COL15A1: variants seen among roughly 807,000 people sequenced by gnomAD.
COL15A1 encodes the protein collagen type XV alpha 1 chain.
In COL15A1, 111 loss-of-function variants were observed where a neutral mutation model predicts 165.9. The ratio of observed to expected loss-of-function variants is 0.67; its 90% CI spans 0.57 to 0.78. The LOEUF is 0.78. COL15A1 is among the 30% of genes least tolerant of loss of function. The pLI is 0.00. For synonymous variants in COL15A1, 659 were observed against 674.8 expected, an observed-to-expected ratio of 0.98 and a Z score of 0.36; for missense variants, 1,745 against 1,789.7, an observed-to-expected ratio of 0.98 and a Z score of 0.45.
intron 2 of COL15A1, among the ~76,000 whole-genome samples, chr9:98,957,584 C>T (rs1564009169): frequency 6.6e-6 from 1 of 152,158 alleles, no homozygotes; most frequent in East Asian, 1.9e-4. Flanking sequence ...CTTCCCACAC[C>T]CTAATCTCAA....
At chr9:99,027,964 A>T (rs1419828647) in intron 16 of COL15A1, among the ~76,000 whole-genome samples, 1 of 152,254 alleles carries the variant, frequency 6.6e-6, no homozygotes, top group African/African-American at 2.4e-5. Context: ...GGGCTGTAGT[A>T]GATCATAAGA....
At chr9:98,960,270 T>C (rs1837844465) in intron 2 of COL15A1, among the ~76,000 whole-genome samples, 1 of 152,028 alleles carries the variant, frequency 6.6e-6, no homozygotes, top group Non-Finnish European at 1.5e-5. Flanking sequence ...TGTGGTGACA[T>C]GTGCCTGTAC....
intron 2 of COL15A1, among the ~76,000 whole-genome samples, chr9:98,968,188 G>A (rs1837987796): frequency 6.6e-6 from 1 of 152,220 alleles, no homozygotes; most frequent in African/African-American, 2.4e-5. Flanking sequence ...CTGTTACTGT[G>A]AGTATTGGAT....
chr9:99,014,132 A>G (rs1197049699), intron 9 of COL15A1, among the ~76,000 whole-genome samples: 1 of 152,196 alleles, frequency 6.6e-6, no homozygotes, highest in Non-Finnish European at 1.5e-5. Context: ...AAAAAACCCT[A>G]ACAACATGAT....
At chr9:99,062,735 A>G (rs1227310777) in intron 38 of COL15A1, among the ~76,000 whole-genome samples, 1 of 152,218 alleles carries the variant, frequency 6.6e-6, no homozygotes, top group Non-Finnish European at 1.5e-5. Flanking sequence ...TTTGCAGATT[A>G]TGAAACTGAG....
intron 26 of COL15A1, among the ~76,000 whole-genome samples, chr9:99,046,806 C>T (rs1839498290): frequency 6.6e-6 from 1 of 152,232 alleles, no homozygotes; most frequent in African/African-American, 2.4e-5. Flanking sequence ...CAAACCATAT[C>T]AGGAAGTGTT....
At chr9:98,975,965 G>A (rs775269777) in intron 2 of COL15A1, among the ~76,000 whole-genome samples, 11 of 152,222 alleles carry the variant, frequency 7.2e-5, no homozygotes, top group African/African-American at 1.4e-4. Context: ...GCAAAGACAC[G>A]GGGGGAGAAT....
rs764459640 is a variant in COL15A1, at chr9:99,052,473, TCTC to T, written c.2950+43_2950+45del. The T allele has an allele frequency of 9.3e-6, 14 of 1,505,772 alleles. No individual in the cohort carries two copies. In the South Asian group the frequency reaches 1.5e-4, roughly 16 times the overall value. The allele number at this position is 1,505,772 out of a possible 1,614,324, so 93.3% of individuals were successfully genotyped here. ...CTTCATCATTTGTTTCTCTGGGACA[TCTC>T]CTTGAGGAAGATGGTTTTCCTTTGC... On this transcript the variant is annotated intron_variant, in intron 31 of 41. Transcript: ENST00000375001.
intron 2 of COL15A1, among the ~76,000 whole-genome samples, chr9:98,985,306 TG>T (rs1185803298): frequency 6.6e-6 from 1 of 152,190 alleles, no homozygotes; most frequent in Non-Finnish European, 1.5e-5. Context: ...GAGTGCCTGG[TG>T]AGTATTAAAT....
intron 41 of COL15A1, among the ~76,000 whole-genome samples, chr9:99,069,249 A>G (rs903363547): frequency 7.1e-5 from 6 of 84,032 alleles, no homozygotes; most frequent in Non-Finnish European, 9.6e-5. Context: ...TAGACAGAAT[A>G]TTGTAATTGT....
At chr9:99,018,961 G>C (rs890438077) in intron 11 of COL15A1, among the ~76,000 whole-genome samples, 12 of 152,140 alleles carry the variant, frequency 7.9e-5, no homozygotes, top group African/African-American at 2.9e-4. Flanking sequence ...ATTTTTTAAA[G>C]CTCTGAGAAG....
At chr9:99,058,936 A>G (rs1273839981) in intron 35 of COL15A1, among the ~76,000 whole-genome samples, 1 of 152,174 alleles carries the variant, frequency 6.6e-6, no homozygotes, top group Non-Finnish European at 1.5e-5. Flanking sequence ...AACACCCTTA[A>G]TTCTGCCAAG....
At chr9:99,034,898 A>G in intron 17 of COL15A1, 116 bp from the exon 18 acceptor site, 7 of 1,001,082 alleles carry the variant, frequency 7.0e-6, no homozygotes, top group Non-Finnish European at 1.1e-5. Context: ...GGTACCGATC[A>G]GAGAATTCAT....
intron 2 of COL15A1, among the ~76,000 whole-genome samples, chr9:98,953,794 G>A (rs1358764913): frequency 6.6e-6 from 1 of 152,158 alleles, no homozygotes; most frequent in Non-Finnish European, 1.5e-5. Flanking sequence ...CATCACTGAG[G>A]GACTCAAATG....
At chr9:99,021,793 G>A (rs1839032762) in intron 12 of COL15A1, among the ~76,000 whole-genome samples, 1 of 152,226 alleles carries the variant, frequency 6.6e-6, no homozygotes, top group Admixed American at 6.5e-5. Flanking sequence ...GCTCTAGCAG[G>A]GCCCAGATCA....
chr9:98,973,417 C>T (rs1177221398), intron 2 of COL15A1, among the ~76,000 whole-genome samples: 1 of 152,190 alleles, frequency 6.6e-6, no homozygotes, highest in Non-Finnish European at 1.5e-5. Flanking sequence ...TTGATTGTGG[C>T]CGAGCCAGGT....
intron 28 of COL15A1, among the ~76,000 whole-genome samples, chr9:99,048,756 G>A (rs1839535945): frequency 7.4e-6 from 1 of 134,348 alleles, no homozygotes; most frequent in South Asian, 2.3e-4. Flanking sequence ...TGTGTTTTAA[G>A]GAGAGTTTCT....
At position 99,003,546 on chromosome 9, in the gene COL15A1, C is replaced by T; in HGVS notation, c.1159C>T (p.Leu387Phe). The T allele has an allele frequency of 6.4e-7, 1 of 1,564,056 alleles. No homozygotes were observed. Among genetic ancestry groups the T allele is most frequent in the Middle Eastern group, 1.7e-4 (1 of 5,884 alleles). The change falls in exon 8 of 42, where the codon CTC (leucine) becomes TTC (phenylalanine). Residue 387 changes from leucine (L) to phenylalanine (F), a missense_variant. Transcript: ENST00000375001. ...ASSVPTGGPTLSMSTENPEEG... is the reference protein window; with the variant it reads ...ASSVPTGGPTFSMSTENPEEG... Reference sequence around the variant, plus strand: ...CAGTGTGCCCACCGGGGGACCAACCCTCTCTATGTCCACGGAGAACCCAGA... The same window carrying T: ...CAGTGTGCCCACCGGGGGACCAACCTTCTCTATGTCCACGGAGAACCCAGA...
At chr9:99,044,858 T>G in intron 26 of COL15A1, 88 bp downstream of exon 26, 1 of 1,278,044 alleles carries the variant, frequency 7.8e-7, no homozygotes, top group Non-Finnish European at 1.1e-6. Context: ...TTGTCCCGGT[T>G]ATGAAAATTC....
Sources: allele counts gnomAD v4.1 joint callset (sites outside exome capture counted in the v4.1 genomes callset), GRCh38; gene constraint gnomAD v4.1.1; transcripts MANE v1.5; gene names NCBI Gene and HGNC (gene_info 2026-07-23, HGNC 2026-07-21).